KPNA5: variants seen among roughly 807,000 people sequenced by gnomAD.
The protein encoded by KPNA5 is karyopherin subunit alpha 5, also known as importin subunit alpha-6.
A neutral mutation model predicts 71.3 loss-of-function variants in KPNA5; 46 were observed. The observed-to-expected ratio is 0.65, with a 90% CI of 0.51 to 0.83. KPNA5 has a LOEUF of 0.83. Ranked by LOEUF, KPNA5 falls within the 40% of genes least tolerant of loss-of-function variation. KPNA5 has a pLI of 0.00. For missense variants in KPNA5, 547 were observed against 628.3 expected, an observed-to-expected ratio of 0.87 and a Z score of 1.38; for synonymous variants, 207 against 201.4, an observed-to-expected ratio of 1.03 and a Z score of -0.24.
chr6:116,727,627 C>T (rs947908005), intron 12 of KPNA5, among the ~76,000 whole-genome samples: 35 of 151,918 alleles, frequency 2.3e-4, no homozygotes, highest in African/African-American at 6.0e-4. Context: ...CCGATGAAAC[C>T]GAGGGACTGT....
At chr6:116,693,786 G>T (rs531608227) in intron 4 of KPNA5, among the ~76,000 whole-genome samples, 2 of 151,964 alleles carry the variant, frequency 1.3e-5, no homozygotes, top group Non-Finnish European at 2.9e-5. Context: ...ATTGCTTTTG[G>T]TGTTTTAGAC....
At chr6:116,707,151 G>A (rs1180629770) in intron 7 of KPNA5, among the ~76,000 whole-genome samples, 2 of 151,176 alleles carry the variant, frequency 1.3e-5, no homozygotes, top group African/African-American at 2.4e-5. Flanking sequence ...GTGACAGAGC[G>A]AGAGACTGTC....
intron 12 of KPNA5, among the ~76,000 whole-genome samples, chr6:116,728,016 C>T (rs1166985387): frequency 2.6e-5 from 4 of 152,026 alleles, no homozygotes; most frequent in Admixed American, 6.6e-5. Flanking sequence ...GTGAAATTGT[C>T]GTCTTTTATT....
chr6:116,740,191 A>G lies in KPNA5; in HGVS notation c.*7868A>G, dbSNP rs1583458873. On this transcript the variant is annotated 3_prime_UTR_variant, in exon 14 of 14. Transcript: ENST00000368564. Reference sequence around the variant, plus strand: ...ATCAAAAAGTGGGTGAAGGACATGAACAGACACTTCTCAAAAGAAGACATT... The same window carrying G: ...ATCAAAAAGTGGGTGAAGGACATGAGCAGACACTTCTCAAAAGAAGACATT... 1.3e-5 allele frequency: 2 copies of G among 152,334 alleles called. No homozygotes were observed. Among genetic ancestry groups the G allele is most frequent in the East Asian group, 1.9e-4 (1 of 5,192 alleles). The allele number at this position is 152,334 out of a possible 1,614,324, so 9.4% of individuals were successfully genotyped here.
intron 7 of KPNA5, among the ~76,000 whole-genome samples, chr6:116,713,682 T>C (rs1778785374): frequency 6.6e-6 from 1 of 152,240 alleles, no homozygotes; most frequent in African/African-American, 2.4e-5. Context: ...GTATGCTTGA[T>C]GGTATTTTAC....
intron 4 of KPNA5, among the ~76,000 whole-genome samples, chr6:116,693,265 T>C (rs1020542665): frequency 7.9e-5 from 12 of 152,224 alleles, no homozygotes; most frequent in African/African-American, 2.7e-4. Flanking sequence ...ATAGGATGGC[T>C]GGGTCAAATG....
intron 8 of KPNA5, among the ~76,000 whole-genome samples, chr6:116,718,937 T>G (rs1779006967): frequency 6.6e-6 from 1 of 152,006 alleles, no homozygotes; most frequent in Non-Finnish European, 1.5e-5. Flanking sequence ...CTGGCTAATT[T>G]TTATATTTTA....
chr6:116,719,859 A>C (rs1047146490), intron 8 of KPNA5, among the ~76,000 whole-genome samples: 1 of 137,310 alleles, frequency 7.3e-6, no homozygotes, highest in African/African-American at 3.0e-5. Flanking sequence ...TCAAAAATAA[A>C]AAATACAAAT....
chr6:116,702,575 A>G (rs946507845), intron 6 of KPNA5, among the ~76,000 whole-genome samples: 1 of 152,160 alleles, frequency 6.6e-6, no homozygotes, highest in African/African-American at 2.4e-5. Flanking sequence ...AAGCTGAGGC[A>G]CAAGAATTCC....
At chr6:116,727,317 A>G (rs1455975030) in intron 12 of KPNA5, among the ~76,000 whole-genome samples, 3 of 151,992 alleles carry the variant, frequency 2.0e-5, no homozygotes, top group Non-Finnish European at 4.4e-5. Context: ...AGCCTTCCAT[A>G]TCCTTGGGTT....
Position 116,729,635 on chromosome 6 carries a change from A to G in KPNA5, c.1326A>G (p.Gln442=), listed in dbSNP as rs1779412287. The change falls in exon 13 of 14, where the codon CAA becomes CAG. Residue 442 remains glutamine (Q), a synonymous_variant. Transcript: ENST00000368564. ...CTGTTATGGACTCCAAAATAGTCCA[A>G]GTGGCTTTAAATGGACTTGAAAATA... The part of the protein sequence containing the change: ...LLTVMDSKIV[Q]VALNGLENIL... 2 of 1,610,898 alleles carry G rather than the reference A, an allele frequency of 1.2e-6. No individual in the cohort carries two copies. The highest frequency in any genetic ancestry group is 1.7e-5 in the Admixed American group (1 of 59,662).
chr6:116,726,078 GTGTGTC>G (rs1562454904), intron 11 of KPNA5, among the ~76,000 whole-genome samples: 1 of 152,098 alleles, frequency 6.6e-6, no homozygotes, highest in African/African-American at 2.4e-5. Context: ...GTGTGTGTGT[GTGTGTC>G]TAGCACAGTG....
chr6:116,715,365 C>T (rs989263934), intron 7 of KPNA5, among the ~76,000 whole-genome samples: 1 of 151,830 alleles, frequency 6.6e-6, no homozygotes, highest in African/African-American at 2.4e-5. Context: ...TAGGGGCTCT[C>T]CTATTTAAAT....
rs1465515581 is a variant in KPNA5 at position 116,739,771 on chromosome 6, T to G, written c.*7448T>G. On this transcript the variant is annotated 3_prime_UTR_variant, in exon 14 of 14. Coordinates refer to ENST00000368564, the MANE Select transcript of KPNA5 (RefSeq NM_001366306.2). ...AAAGGATTCCCTATTTAATAAATGG[T>G]GCTGGGAAAACTGGCTAGCCATATG... 2.0e-5 allele frequency: 3 copies of G among 151,490 alleles called. No individual in the cohort carries two copies. The highest frequency in any genetic ancestry group is 1.3e-4 in the Admixed American group (2 of 15,238). 9.4% of individuals were successfully genotyped at this position (151,490 alleles called of 1,614,324 possible).
rs894586244 is a variant in KPNA5 at position 116,732,234 on chromosome 6, G to A, written c.1531G>A (p.Asp511Asn). Residue 511 changes from aspartate to asparagine, a missense_variant, in exon 14 of 14, where the codon GAC (aspartate) becomes AAC (asparagine). Transcript: ENST00000368564. Reference sequence around the variant, plus strand: ...ACATTACTTTGGTGTAGAAGAAGATGACCCCAGCATTGTACCTCAGGTGGA... The same window carrying A: ...ACATTACTTTGGTGTAGAAGAAGATAACCCCAGCATTGTACCTCAGGTGGA... ...IEHYFGVEED[D>N]PSIVPQVDEN... 1.1e-5 allele frequency: 18 copies of A among 1,594,976 alleles called. No individual in the cohort carries two copies. The highest frequency in any genetic ancestry group is 1.4e-5 in the Non-Finnish European group (16 of 1,170,466).
At position 116,692,381 on chromosome 6, in the gene KPNA5, T is replaced by C. The variant is rs1240241466; in HGVS notation, c.329T>C (p.Leu110Pro). 2 of 1,592,294 alleles carry C rather than the reference T, an allele frequency of 1.3e-6. No homozygotes were observed. Among genetic ancestry groups the C allele is most frequent in the Non-Finnish European group, 8.6e-7 (1 of 1,167,886 alleles). ...QLTATQKFRK[L>P]LSKEPNPPID... ...ACAGCAACACAGAAATTTAGAAAGC[T>C]GCTTTCTAAAGGCAAGAATTATTTT... is the stretch of plus-strand genomic sequence containing the variant. The change falls in exon 4 of 14, where the codon CTG becomes CCG. Residue 110 changes from leucine to proline, a missense_variant. Physicochemically the swap from Leu to Pro is moderately conservative, Grantham distance 98. Coordinates refer to ENST00000368564, the MANE Select transcript of KPNA5 (RefSeq NM_001366306.2).
intron 4 of KPNA5, among the ~76,000 whole-genome samples, chr6:116,694,844 A>C (rs1004796422): frequency 3.3e-5 from 5 of 152,234 alleles, no homozygotes; most frequent in Admixed American, 2.6e-4. Flanking sequence ...ATATATATTC[A>C]TAAAAGTGAA....
chr6:116,685,233 T>C (rs1172517321), intron 1 of KPNA5, among the ~76,000 whole-genome samples: 1 of 152,216 alleles, frequency 6.6e-6, no homozygotes, highest in African/African-American at 2.4e-5. Flanking sequence ...TGTGGACGAC[T>C]CAAATACCGT....
chr6:116,719,438 A>G (rs1012074694), intron 8 of KPNA5, among the ~76,000 whole-genome samples: 2 of 152,234 alleles, frequency 1.3e-5, no homozygotes, highest in Non-Finnish European at 2.9e-5. Flanking sequence ...GAGGAACACT[A>G]AATTTCAGTC....
Sources: allele counts gnomAD v4.1 joint callset (sites outside exome capture counted in the v4.1 genomes callset), GRCh38; gene constraint gnomAD v4.1.1; transcripts MANE v1.5; gene names NCBI Gene and HGNC (gene_info 2026-07-23, HGNC 2026-07-21).